Variants in TMTC2 observed in about 807,000 individuals in gnomAD.
TMTC2 encodes transmembrane O-mannosyltransferase targeting cadherins 2, also known as protein O-mannosyl-transferase TMTC2.
TMTC2 carries 43 observed loss-of-function variants against 82.4 expected under a neutral mutation model. The observed-to-expected ratio is 0.52, with a 90% CI of 0.41 to 0.67. The LOEUF is 0.67. TMTC2 is among the 30% of genes least tolerant of loss of function. TMTC2 has a pLI of 0.00. For missense variants in TMTC2, 919 were observed against 1,012.4 expected, an observed-to-expected ratio of 0.91 and a Z score of 1.25; for synonymous variants, 408 against 381.9, an observed-to-expected ratio of 1.07 and a Z score of -0.80.
chr12:82,748,616 C>CTGT (rs1192953672), intron 1 of TMTC2, among the ~76,000 whole-genome samples: 2 of 152,168 alleles, frequency 1.3e-5, no homozygotes, highest in Admixed American at 1.3e-4. Flanking sequence ...TGGCTCACAC[C>CTGT]TGTAATCCCA....
chr12:82,713,748 G>A (rs1321079927), intron 1 of TMTC2, among the ~76,000 whole-genome samples: 2 of 152,206 alleles, frequency 1.3e-5, no homozygotes, highest in Non-Finnish European at 2.9e-5. Context: ...CAGTCATAGT[G>A]TATGACTGTC....
chr12:82,788,691 A>G (rs963194423), intron 1 of TMTC2, among the ~76,000 whole-genome samples: 1 of 152,048 alleles, frequency 6.6e-6, no homozygotes, highest in Non-Finnish European at 1.5e-5. Context: ...TGGTCTTTTC[A>G]TCTCTGGAGA....
chr12:82,743,265 A>AC (rs1211253663), intron 1 of TMTC2, among the ~76,000 whole-genome samples: 1 of 151,866 alleles, frequency 6.6e-6, no homozygotes, highest in Non-Finnish European at 1.5e-5. Flanking sequence ...ACATGGTGAA[A>AC]CCCCATCTCT....
intron 1 of TMTC2, among the ~76,000 whole-genome samples, chr12:82,706,322 T>G (rs1201741892): frequency 3.3e-5 from 1 of 30,064 alleles, no homozygotes; most frequent in Non-Finnish European, 7.0e-5. Context: ...AGAGTCCATC[T>G]CAAAAAAAAA....
chr12:82,857,300 C>T lies in TMTC2; in HGVS notation c.374C>T (p.Ser125Phe). ...WTFMAGLMFA[S>F]HPIHTEAVAG... ...TTCATGGCTGGCTTGATGTTTGCTT[C>T]TCACCCCATTCACACGGAGGCAGTG... Residue 125 changes from serine (S) to phenylalanine (F), a missense_variant, in exon 2 of 12, where the codon TCT (serine) becomes TTT (phenylalanine). By Grantham distance (155) the Ser-to-Phe change is radical. Coordinates refer to ENST00000321196, the MANE Select transcript of TMTC2 (RefSeq NM_152588.3). 1.2e-6 allele frequency: 2 copies of T among 1,614,196 alleles called. No homozygotes were observed. Among genetic ancestry groups the T allele is most frequent in the Non-Finnish European group, 8.5e-7 (1 of 1,180,034 alleles).
chr12:82,923,249 G>A lies in TMTC2; in HGVS notation c.1484-7182G>A, dbSNP rs1412903400. Among the ~76,000 whole-genome samples, 4 of 152,236 alleles carry A rather than the reference G, an allele frequency of 2.6e-5. No homozygotes were observed. In the East Asian group the frequency reaches 7.7e-4, roughly 29 times the overall value. On this transcript the variant is annotated intron_variant, in intron 3 of 11. Coordinates refer to ENST00000321196, the MANE Select transcript of TMTC2 (RefSeq NM_152588.3). ...TTTCAGGGGGGTTACTAAGAAATTT[G>A]AGTATTAGTTTAAATGCTTGGTATT...
At chr12:83,111,895 C>A (rs1884611730) in intron 11 of TMTC2, among the ~76,000 whole-genome samples, 1 of 151,696 alleles carries the variant, frequency 6.6e-6, no homozygotes, top group Non-Finnish European at 1.5e-5. Flanking sequence ...TATTTACAGT[C>A]TACAAAATGC....
At chr12:82,879,958 G>T (rs1872746602) in intron 2 of TMTC2, among the ~76,000 whole-genome samples, 1 of 152,198 alleles carries the variant, frequency 6.6e-6, no homozygotes, top group Non-Finnish European at 1.5e-5. Flanking sequence ...GGAATAAAGT[G>T]ATGTAACAGG....
At chr12:83,094,696 A>G (rs1193653919) in intron 11 of TMTC2, among the ~76,000 whole-genome samples, 1 of 152,192 alleles carries the variant, frequency 6.6e-6, no homozygotes, top group Non-Finnish European at 1.5e-5. Flanking sequence ...TTAGGAGATA[A>G]AGTGGAGATA....
intron 8 of TMTC2, among the ~76,000 whole-genome samples, chr12:83,010,434 C>T (rs1187161342): frequency 6.6e-5 from 10 of 152,176 alleles, no homozygotes; most frequent in Non-Finnish European, 1.5e-4. Flanking sequence ...CAGCAGCCTG[C>T]TTCCTGTTGA....
chr12:83,071,161 G>GTTT (rs71068973), intron 11 of TMTC2, among the ~76,000 whole-genome samples: 4 of 135,440 alleles, frequency 3.0e-5, no homozygotes, highest in South Asian at 2.4e-4. Flanking sequence ...TTTTTTTTTT[G>GTTT]TTTTTTTTTT....
chr12:82,690,806 G>A (rs1016841060), intron 1 of TMTC2, among the ~76,000 whole-genome samples: 4 of 152,148 alleles, frequency 2.6e-5, no homozygotes, highest in African/African-American at 9.7e-5. Context: ...TATGTTGTAT[G>A]TGATTCCTTA....
chr12:83,078,590 A>T (rs528631638), intron 11 of TMTC2, among the ~76,000 whole-genome samples: 10 of 152,320 alleles, frequency 6.6e-5, no homozygotes, highest in African/African-American at 2.4e-4. Flanking sequence ...GTGGAGCAGT[A>T]TTCATAGTTT....
intron 1 of TMTC2, among the ~76,000 whole-genome samples, chr12:82,763,163 T>C (rs1452459368): frequency 6.8e-6 from 1 of 147,778 alleles, no homozygotes; most frequent in Non-Finnish European, 1.5e-5. Context: ...GCAGACAAAG[T>C]TAAACAGATA....
chr12:82,927,972 A>G (rs1875819957), intron 3 of TMTC2, among the ~76,000 whole-genome samples: 1 of 152,172 alleles, frequency 6.6e-6, no homozygotes, highest in Non-Finnish European at 1.5e-5. Flanking sequence ...TGTGATATTC[A>G]CTTTATTGTG....
intron 11 of TMTC2, among the ~76,000 whole-genome samples, chr12:83,131,677 T>G (rs917857022): frequency 5.3e-5 from 8 of 152,188 alleles, no homozygotes; most frequent in Admixed American, 3.9e-4. Flanking sequence ...CTTTAGTGGT[T>G]GCATTTTAAT....
intron 8 of TMTC2, among the ~76,000 whole-genome samples, chr12:82,987,406 A>AGT (rs2137340885): frequency 7.5e-6 from 1 of 133,106 alleles, no homozygotes. Context: ...CCTGGGCAAC[A>AGT]GAGACTCCAT....
intron 11 of TMTC2, among the ~76,000 whole-genome samples, chr12:83,108,584 C>T (rs1884495720): frequency 2.6e-5 from 4 of 151,340 alleles, no homozygotes; most frequent in South Asian, 2.1e-4. Context: ...AAGCCAAGAT[C>T]GCGCGACTGC....
intron 11 of TMTC2, among the ~76,000 whole-genome samples, chr12:83,114,118 T>A (rs986465622): frequency 6.6e-6 from 1 of 152,272 alleles, no homozygotes; most frequent in Middle Eastern, 3.4e-3. Context: ...TGCTATGGAC[T>A]GAATGTTTGT....
Sources: gnomAD v4.1 joint callset for allele counts (sites outside exome capture counted in the v4.1 genomes callset) on GRCh38, gnomAD v4.1.1 for gene constraint, MANE v1.5 for transcripts, NCBI Gene and HGNC (gene_info 2026-07-23, HGNC 2026-07-21) for gene names.